PTPRG: variants seen among roughly 807,000 people sequenced by gnomAD.
PTPRG encodes the protein receptor-type tyrosine-protein phosphatase gamma.
Under a neutral mutation model 165.3 loss-of-function variants are expected in PTPRG, and 102 were observed. The ratio of observed to expected loss-of-function variants is 0.62; its 90% CI spans 0.53 to 0.73. PTPRG has a LOEUF of 0.73. PTPRG is among the 30% of genes least tolerant of loss of function. PTPRG has a pLI of 0.00. For missense variants in PTPRG, 1,866 were observed against 1,861.4 expected, an observed-to-expected ratio of 1.00 and a Z score of -0.05; for synonymous variants, 675 against 669.5, an observed-to-expected ratio of 1.01 and a Z score of -0.13.
intron 1 of PTPRG, among the ~76,000 whole-genome samples, chr3:61,566,288 T>G (rs1441807698): frequency 6.6e-6 from 1 of 152,258 alleles, no homozygotes; most frequent in African/African-American, 2.4e-5. Flanking sequence ...CATGAAGCGA[T>G]CCAGCGAATG....
intron 15 of PTPRG, among the ~76,000 whole-genome samples, chr3:62,250,971 A>G (rs1429155010): frequency 2.6e-5 from 4 of 152,360 alleles, no homozygotes; most frequent in African/African-American, 4.8e-5. Context: ...TTTAATAACA[A>G]TAAGCCCACC....
chr3:61,740,540 A>AT lies in PTPRG; in HGVS notation c.86-8329dup, dbSNP rs888339939. On this transcript the variant is annotated intron_variant, in intron 1 of 29. Coordinates refer to ENST00000474889, the MANE Select transcript of PTPRG (RefSeq NM_002841.4). ...GTTTTGTCCATTTTAGCCCTTATTTATTTTTTTTTAATAGATTCTGCCCTT... is the reference window on the plus strand; with the variant it reads ...GTTTTGTCCATTTTAGCCCTTATTTATTTTTTTTTTAATAGATTCTGCCCTT... 1.0e-3 allele frequency among the ~76,000 whole-genome samples: 158 copies of AT among 151,418 alleles called. 1 individual carries two copies. Among genetic ancestry groups the AT allele is most frequent in the Middle Eastern group, 6.8e-3 (2 of 294 alleles).
At chr3:62,276,855 G>GT in intron 24 of PTPRG, 117 bp from the exon 25 acceptor site, 1 of 749,516 alleles carries the variant, frequency 1.3e-6, no homozygotes, top group Non-Finnish European at 2.2e-6. Context: ...ATATAGATAA[G>GT]TCTTAGAAAG....
In PTPRG at chr3:62,243,802, C is replaced by T. The variant is rs2106952292; in HGVS notation, c.2376-5C>T. ...TATTGACATGTTTTTCTCTTTTCTA[C>T]ACAGAAAATGTTTTCAGACTGCTCA... is the stretch of plus-strand genomic sequence containing the variant. On this transcript the variant is annotated splice_polypyrimidine_tract_variant and splice_region_variant and intron_variant, in intron 14 of 29. Coordinates refer to ENST00000474889, the MANE Select transcript of PTPRG (RefSeq NM_002841.4). 1.3e-6 allele frequency: 2 copies of T among 1,555,412 alleles called. No homozygotes were observed. The highest frequency in any genetic ancestry group is 1.8e-6 in the Non-Finnish European group (2 of 1,132,828).
intron 5 of PTPRG, among the ~76,000 whole-genome samples, chr3:62,109,190 A>G (rs1247551440): frequency 6.6e-6 from 1 of 152,148 alleles, no homozygotes; most frequent in Non-Finnish European, 1.5e-5. Flanking sequence ...CTTACATTTA[A>G]GTCTTTGATC....
intron 4 of PTPRG, among the ~76,000 whole-genome samples, chr3:62,056,256 A>C (rs1700630473): frequency 6.6e-6 from 1 of 152,212 alleles, no homozygotes; most frequent in Admixed American, 6.5e-5. Flanking sequence ...GTCCACTGAG[A>C]TATGTGTTAT....
intron 1 of PTPRG, among the ~76,000 whole-genome samples, chr3:61,669,037 C>T (rs996448137): frequency 6.6e-6 from 1 of 152,142 alleles, no homozygotes; most frequent in East Asian, 1.9e-4. Flanking sequence ...ACAGTTTTGT[C>T]CCCTGGTAAA....
chr3:62,178,042 G>C (rs1200612631), intron 8 of PTPRG, among the ~76,000 whole-genome samples: 1 of 149,902 alleles, frequency 6.7e-6, no homozygotes, highest in East Asian at 2.0e-4. Context: ...TGGGTTGTTG[G>C]GTGGGTGGGT....
At position 62,229,456 on chromosome 3, in the gene PTPRG, A is replaced by C. The variant is rs1287054484; in HGVS notation, c.2289-1769A>C. ...GTGGAAGCTCTTGGAACAAGCTAAC[A>C]CATAGTCATTAGACAAAAGCGGAAA... is the stretch of plus-strand genomic sequence containing the variant. On this transcript the variant is annotated intron_variant, in intron 13 of 29. Transcript: ENST00000474889. The surrounding 1 kb of genome is among the most constrained non-coding windows in gnomAD (Gnocchi z 4.6). 6.6e-6 allele frequency among the ~76,000 whole-genome samples: 1 copy of C among 152,220 alleles called. No homozygotes were observed. Among genetic ancestry groups the C allele is most frequent in the African/African-American group, 2.4e-5 (1 of 41,448 alleles).
chr3:62,260,702 CT>C (rs1227016013), intron 16 of PTPRG, among the ~76,000 whole-genome samples: 16 of 152,086 alleles, frequency 1.1e-4, no homozygotes, highest in Non-Finnish European at 1.9e-4. Context: ...CACTAAAATC[CT>C]GTTAACTTTG....
At chr3:61,571,078 A>T (rs1242898677) in intron 1 of PTPRG, among the ~76,000 whole-genome samples, 1 of 152,178 alleles carries the variant, frequency 6.6e-6, no homozygotes, top group South Asian at 2.1e-4. Context: ...TTAATCTATA[A>T]AATGGGAATA....
At chr3:62,286,773 C>T (rs1383942319) in intron 28 of PTPRG, among the ~76,000 whole-genome samples, 1 of 151,980 alleles carries the variant, frequency 6.6e-6, no homozygotes, top group Non-Finnish European at 1.5e-5. Flanking sequence ...TGTCATTTTA[C>T]CTAGGTTACA....
chr3:62,276,796 T>C, intron 24 of PTPRG, 176 bp from the exon 25 acceptor site: 1 of 578,462 alleles, frequency 1.7e-6, no homozygotes, highest in South Asian at 2.4e-5. Context: ...TGCAGCAAAA[T>C]TTCATTTTAC....
At chr3:61,616,994 A>T (rs552524459) in intron 1 of PTPRG, among the ~76,000 whole-genome samples, 9 of 152,330 alleles carry the variant, frequency 5.9e-5, no homozygotes, top group Admixed American at 3.9e-4. Flanking sequence ...AGATAGCAAA[A>T]GAGGACTGCT....
At chr3:62,286,341 C>CCTTTCTGCCCTACT (rs1450263795) in intron 28 of PTPRG, among the ~76,000 whole-genome samples, 1 of 151,998 alleles carries the variant, frequency 6.6e-6, no homozygotes, top group Admixed American at 6.6e-5. Context: ...TTTTTGTTTT[C>CCTTTCTGCCCTACT]CTTTCTGCCC....
intron 2 of PTPRG, among the ~76,000 whole-genome samples, chr3:61,776,795 A>G (rs1426426862): frequency 6.6e-6 from 1 of 152,142 alleles, no homozygotes; most frequent in Non-Finnish European, 1.5e-5. Context: ...TGTGTATTAA[A>G]GTCCTCCCTG....
chr3:61,602,407 C>T (rs565929033), intron 1 of PTPRG, among the ~76,000 whole-genome samples: 2 of 152,210 alleles, frequency 1.3e-5, no homozygotes, highest in South Asian at 4.2e-4. Flanking sequence ...ACGGTGGGAC[C>T]AGTCAAGTGT....
chr3:61,947,895 C>T (rs1212869440), intron 2 of PTPRG, among the ~76,000 whole-genome samples: 2 of 152,090 alleles, frequency 1.3e-5, no homozygotes, highest in Non-Finnish European at 2.9e-5. Flanking sequence ...CTGACCAGAC[C>T]CTGCTTGCCT....
chr3:62,163,454 A>G (rs1704846572), intron 7 of PTPRG, among the ~76,000 whole-genome samples: 1 of 152,128 alleles, frequency 6.6e-6, no homozygotes, highest in African/African-American at 2.4e-5. Context: ...TCATGATATA[A>G]TAAGAGTGTT....
Sources: gnomAD v4.1 joint callset for allele counts (sites outside exome capture counted in the v4.1 genomes callset) on GRCh38, gnomAD v4.1.1 for gene constraint, Gnocchi (gnomAD v3.1) non-coding constraint, MANE v1.5 for transcripts, NCBI Gene and HGNC (gene_info 2026-07-23, HGNC 2026-07-21) for gene names.